Variants in RTTN observed in about 807,000 individuals in gnomAD.
The protein encoded by RTTN is rotatin.
RTTN carries 182 observed loss-of-function variants against 269.2 expected under a neutral mutation model. The observed-to-expected ratio is 0.68, with a 90% CI of 0.60 to 0.76. The LOEUF is 0.76. RTTN is among the 30% of genes least tolerant of loss of function. The probability of loss-of-function intolerance (pLI) is 0.00; values close to 1 mark genes in which losing one functional copy is unlikely to be tolerated. For synonymous variants in RTTN, 1,006 were observed against 963.5 expected (o/e 1.04, Z -0.82); for missense variants, 2,545 against 2,608.6 (o/e 0.98, Z 0.53).
intron 14 of RTTN, among the ~76,000 whole-genome samples, chr18:70,164,537 T>A (rs192465901): frequency 2.0e-4 from 23 of 113,620 alleles, no homozygotes; most frequent in Non-Finnish European, 1.2e-4. Context: ...ATGTTATATA[T>A]ACATATCACC....
chr18:70,147,318 A>T (rs2060419403), intron 17 of RTTN, among the ~76,000 whole-genome samples: 1 of 152,170 alleles, frequency 6.6e-6, no homozygotes, highest in South Asian at 2.1e-4. Context: ...CACAAATGCC[A>T]CTGTGTTACA....
At chr18:70,143,624 T>A (rs2060315866) in intron 18 of RTTN, among the ~76,000 whole-genome samples, 1 of 151,892 alleles carries the variant, frequency 6.6e-6, no homozygotes, top group Non-Finnish European at 1.5e-5. Context: ...CGGGAGAGGA[T>A]CTGAAAAATA....
intron 35 of RTTN, chr18:70,061,341 A>C (rs2057979131): frequency 2.2e-6 from 1 of 456,102 alleles, no homozygotes. Flanking sequence ...TTCCAGGTTC[A>C]TCTTGTTCTT....
intron 28 of RTTN, among the ~76,000 whole-genome samples, chr18:70,098,515 T>C (rs2059063813): frequency 6.6e-6 from 1 of 152,184 alleles, no homozygotes; most frequent in Non-Finnish European, 1.5e-5. Context: ...TTCTAAGAAA[T>C]ATTATCATTA....
chr18:70,202,105 G>T, intron 3 of RTTN, 122 bp from the exon 4 acceptor site: 1 of 584,070 alleles, frequency 1.7e-6, no homozygotes, highest in Non-Finnish European at 2.8e-6. Context: ...TTAAAAAAAA[G>T]TCCAGTTTTT....
At chr18:70,033,582 C>T (rs2057081946) in intron 40 of RTTN, among the ~76,000 whole-genome samples, 6 of 152,080 alleles carry the variant, frequency 3.9e-5, no homozygotes. Context: ...GCAGTGTTAA[C>T]AGGAAAATTT....
intron 37 of RTTN, among the ~76,000 whole-genome samples, chr18:70,056,119 G>A (rs1421317644): frequency 6.6e-6 from 1 of 152,200 alleles, no homozygotes; most frequent in Non-Finnish European, 1.5e-5. Context: ...TTATGGCACA[G>A]ACTCTACGTG....
intron 18 of RTTN, 108 bp downstream of exon 18, chr18:70,145,504 T>C (rs996461688): frequency 2.1e-5 from 16 of 773,652 alleles, no homozygotes; most frequent in Non-Finnish European, 3.9e-6. Flanking sequence ...ATCCCCATAC[T>C]TCTCTCCCTC....
chr18:70,080,059 A>G lies in RTTN; in HGVS notation c.4375-4518T>C, dbSNP rs192342951. 3.3e-5 allele frequency among the ~76,000 whole-genome samples: 5 copies of G among 152,270 alleles called. No individual in the cohort carries two copies. In the East Asian group the frequency reaches 7.7e-4, roughly 23 times the overall value. ...GTAAAATATGAATATCATTACAATGATATCAGTTTACCAAGTACTCATTGT... is the reference window on the plus strand; with the variant it reads ...GTAAAATATGAATATCATTACAATGGTATCAGTTTACCAAGTACTCATTGT... On this transcript the variant is annotated intron_variant, in intron 32 of 48. Coordinates refer to ENST00000640769, the MANE Select transcript of RTTN (RefSeq NM_173630.4).
chr18:70,061,270 A>T (rs1440563034), intron 35 of RTTN: 3 of 448,832 alleles, frequency 6.7e-6, no homozygotes, highest in Non-Finnish European at 1.3e-5. Context: ...CCTGCACCCT[A>T]CATTAGTGAA....
chr18:70,090,247 C>T, intron 30 of RTTN, among the ~76,000 whole-genome samples: 1 of 152,174 alleles, frequency 6.6e-6, no homozygotes, highest in South Asian at 2.1e-4. Flanking sequence ...CCAAGACCCC[C>T]AGTAGATGCC....
At chr18:70,120,928 G>A (rs1186596035) in intron 26 of RTTN, among the ~76,000 whole-genome samples, 1 of 152,056 alleles carries the variant, frequency 6.6e-6, no homozygotes, top group East Asian at 1.9e-4. Flanking sequence ...GCAGGCACCT[G>A]TAATCCCAGC....
At chr18:70,065,181 G>A (rs542841566) in intron 35 of RTTN, among the ~76,000 whole-genome samples, 2 of 148,376 alleles carry the variant, frequency 1.3e-5, no homozygotes, top group South Asian at 4.3e-4. Flanking sequence ...GTATGCCAGT[G>A]TTTAAAATTA....
chr18:70,086,719 AAAAAAAAAAAAAAAGG>A, intron 31 of RTTN, 35 bp from the exon 32 acceptor site: 1 of 539,568 alleles, frequency 1.9e-6, no homozygotes, highest in Non-Finnish European at 2.9e-6. Flanking sequence ...AAAAAAAAAA[AAAAAAAAAAAAAAAGG>A]TCAATACTGC....
intron 30 of RTTN, among the ~76,000 whole-genome samples, chr18:70,089,709 G>C (rs1203991498): frequency 6.6e-6 from 1 of 152,172 alleles, no homozygotes; most frequent in East Asian, 1.9e-4. Flanking sequence ...GGCAATCCTT[G>C]TTATAAAGTA....
rs1264484366 is a variant in RTTN at position 70,135,359 on chromosome 18, T to C, written c.2789-79A>G. 4 of 861,232 alleles carry C rather than the reference T, an allele frequency of 4.6e-6. No homozygotes were observed. In the African/African-American group the frequency reaches 7.2e-5, roughly 15 times the overall value. 53.3% of individuals were successfully genotyped at this position (861,232 alleles called of 1,614,324 possible). ...AACTTCAAATTTAAAATATCTTGAT[T>C]TGAAGAGAAAAGAAATGCAACATAA... On this transcript the variant is annotated intron_variant, in intron 21 of 48. Coordinates refer to ENST00000640769, the MANE Select transcript of RTTN (RefSeq NM_173630.4).
At chr18:70,192,976 A>C in intron 8 of RTTN, 1 of 218,976 alleles carries the variant, frequency 4.6e-6, no homozygotes, top group South Asian at 1.8e-4. Context: ...AGTGTGTCAA[A>C]CATAGTATCA....
intron 40 of RTTN, among the ~76,000 whole-genome samples, chr18:70,044,384 C>A (rs1568289014): frequency 6.6e-6 from 1 of 152,232 alleles, no homozygotes; most frequent in East Asian, 1.9e-4. Flanking sequence ...TAGACAAAAT[C>A]TACTACATAT....
chr18:70,044,035 T>G (rs2057420412), intron 40 of RTTN, among the ~76,000 whole-genome samples: 2 of 152,244 alleles, frequency 1.3e-5, no homozygotes, highest in Non-Finnish European at 2.9e-5. Flanking sequence ...CAAAATTCAT[T>G]TAAATGTCAT....
Sources: gnomAD v4.1 joint callset for allele counts (sites outside exome capture counted in the v4.1 genomes callset) on GRCh38, gnomAD v4.1.1 for gene constraint, MANE v1.5 for transcripts, NCBI Gene and HGNC (gene_info 2026-07-23, HGNC 2026-07-21) for gene names.